Variants in RORB observed in about 807,000 individuals in gnomAD.
RORB encodes nuclear receptor ROR-beta.
A neutral mutation model predicts 59.1 loss-of-function variants in RORB; 6 were observed. That is an observed-to-expected ratio of 0.10 (90% CI 0.06 to 0.20). The LOEUF (loss-of-function observed/expected upper bound fraction) is 0.20. RORB is among the 10% of genes least tolerant of loss of function. The pLI is 1.00. For synonymous variants in RORB, 215 were observed against 204.5 expected (o/e 1.05, Z -0.44); for missense variants, 320 against 560.5 (o/e 0.57, Z 4.33).
At chr9:74,544,402 G>C (rs549095991) in intron 1 of RORB, among the ~76,000 whole-genome samples, 1 of 152,170 alleles carries the variant, frequency 6.6e-6, no homozygotes, top group Non-Finnish European at 1.5e-5. Context: ...CCAAAGGTAG[G>C]GGGAAGGGAT....
rs1822659576 is a variant in RORB at position 74,577,725 on chromosome 9, C to T, written c.8-52557C>T. 2.0e-5 allele frequency among the ~76,000 whole-genome samples: 3 copies of T among 152,022 alleles called. No individual in the cohort carries two copies. In the South Asian group the frequency reaches 6.2e-4, roughly 31 times the overall value. On this transcript the variant is annotated intron_variant, in intron 1 of 9. Coordinates refer to ENST00000376896, the MANE Select transcript of RORB (RefSeq NM_006914.4). ...TTTCCAGTTATTTAGCCTCACTGAT[C>T]CTCAGATTCCCACCCTATAAAATGG...
At chr9:74,517,066 C>A (rs1020719209) in intron 1 of RORB, among the ~76,000 whole-genome samples, 1 of 151,722 alleles carries the variant, frequency 6.6e-6, no homozygotes, top group African/African-American at 2.4e-5. Flanking sequence ...AAGATTCTTC[C>A]AAGAATCTAA....
At chr9:74,677,659 G>A (rs544710352) in intron 9 of RORB, among the ~76,000 whole-genome samples, 15 of 152,134 alleles carry the variant, frequency 9.9e-5, no homozygotes, top group Non-Finnish European at 1.9e-4. Flanking sequence ...TCTTGCTTCC[G>A]TCATTCTGTC....
At position 74,552,559 on chromosome 9, in the gene RORB, A is replaced by G. The variant is rs906756715; in HGVS notation, c.7+54576A>G. 1.8e-3 allele frequency among the ~76,000 whole-genome samples: 280 copies of G among 152,250 alleles called. 1 individual carries two copies. Among genetic ancestry groups the G allele is most frequent in the African/African-American group, 6.0e-3 (249 of 41,548 alleles). On this transcript the variant is annotated intron_variant, in intron 1 of 9. Coordinates refer to ENST00000376896, the MANE Select transcript of RORB (RefSeq NM_006914.4). ...ATGGCTAGCATGTAATATGCACAAC[A>G]TAAGTGTTTAGCTATCAATAGTTCA...
chr9:74,596,045 T>C (rs1407339132), intron 1 of RORB, among the ~76,000 whole-genome samples: 1 of 152,180 alleles, frequency 6.6e-6, no homozygotes, highest in East Asian at 1.9e-4. Flanking sequence ...CATGATGACC[T>C]GAACAAAAAA....
intron 1 of RORB, among the ~76,000 whole-genome samples, chr9:74,555,282 T>C (rs1822271537): frequency 6.6e-6 from 1 of 152,186 alleles, no homozygotes; most frequent in African/African-American, 2.4e-5. Context: ...AATCTTCTTT[T>C]TCATGTACCA....
At chr9:74,573,913 A>G (rs200091336) in intron 1 of RORB, among the ~76,000 whole-genome samples, 2 of 152,244 alleles carry the variant, frequency 1.3e-5, no homozygotes, top group East Asian at 3.9e-4. Flanking sequence ...CAGGGTATCA[A>G]AGCTGCAAGG....
intron 1 of RORB, among the ~76,000 whole-genome samples, chr9:74,521,750 C>T (rs1381636439): frequency 6.6e-6 from 1 of 151,580 alleles, no homozygotes; most frequent in Non-Finnish European, 1.5e-5. Flanking sequence ...TCGTTTTATC[C>T]CTATCACTGA....
At chr9:74,559,381 G>C (rs1822361225) in intron 1 of RORB, among the ~76,000 whole-genome samples, 1 of 152,132 alleles carries the variant, frequency 6.6e-6, no homozygotes, top group Non-Finnish European at 1.5e-5. Context: ...TGACCTAGCT[G>C]CTCCTGCCAG....
chr9:74,524,655 C>A (rs1022937404), intron 1 of RORB, among the ~76,000 whole-genome samples: 1 of 151,778 alleles, frequency 6.6e-6, no homozygotes, highest in African/African-American at 2.4e-5. Context: ...TTTTTTTTAA[C>A]CACTATTGAT....
chr9:74,636,524 G>T (rs531139124), intron 3 of RORB, among the ~76,000 whole-genome samples: 3 of 152,254 alleles, frequency 2.0e-5, no homozygotes, highest in African/African-American at 7.2e-5. Flanking sequence ...GTGTCGGGAG[G>T]ATGGGAGGGT....
chr9:74,635,385 C>T (rs575551085), intron 3 of RORB, among the ~76,000 whole-genome samples: 5 of 152,304 alleles, frequency 3.3e-5, no homozygotes, highest in African/African-American at 7.2e-5. Context: ...TCCACCTTGA[C>T]GCCCACCCAT....
intron 1 of RORB, among the ~76,000 whole-genome samples, chr9:74,613,688 A>C (rs927862308): frequency 5.9e-5 from 9 of 152,186 alleles, no homozygotes; most frequent in Non-Finnish European, 8.8e-5. Context: ...ACCATGCCAA[A>C]AATAATCTTG....
chr9:74,683,122 G>C (rs1304447450), intron 9 of RORB, among the ~76,000 whole-genome samples: 2 of 152,178 alleles, frequency 1.3e-5, no homozygotes, highest in Non-Finnish European at 2.9e-5. Context: ...TGACAAGATT[G>C]ACAATAATTA....
At chr9:74,576,316 G>T (rs989305298) in intron 1 of RORB, among the ~76,000 whole-genome samples, 1 of 152,100 alleles carries the variant, frequency 6.6e-6, no homozygotes, top group Non-Finnish European at 1.5e-5. Context: ...GTCTGTAACA[G>T]CTAATCACCA....
chr9:74,674,218 A>G (rs1824396427), intron 9 of RORB, among the ~76,000 whole-genome samples: 2 of 152,180 alleles, frequency 1.3e-5, no homozygotes, highest in African/African-American at 2.4e-5. Context: ...ATCTTTGCAG[A>G]AAGGCTCCTT....
At chr9:74,509,804 G>T (rs1025241582) in intron 1 of RORB, among the ~76,000 whole-genome samples, 1 of 151,958 alleles carries the variant, frequency 6.6e-6, no homozygotes, top group African/African-American at 2.4e-5. Context: ...TCTTAAGGAA[G>T]GAACCTTGAC....
Position 74,665,521 on chromosome 9 carries a change from G to A in RORB, c.926G>A (p.Arg309His), listed in dbSNP as rs1824250656. The change falls in exon 7 of 10, where the codon CGT becomes CAT. Residue 309 changes from arginine to histidine, a missense_variant. Arg to His is a conservative substitution (Grantham distance 29). Around this residue, in one of 4 missense-constraint regions of RORB, gnomAD observed 40 missense variants for 116.9 expected, o/e 0.34. Coordinates refer to ENST00000376896, the MANE Select transcript of RORB (RefSeq NM_006914.4). The part of the protein sequence containing the change: ...CLEVVLVRMC[R>H]AFNPLNNTVL... ...GAAGTGGTTTTAGTGAGAATGTGCC[G>A]TGCCTTCAACCCATTAAACAACACT... The A allele has an allele frequency of 1.2e-6, 2 of 1,609,306 alleles. No homozygotes were observed. Among genetic ancestry groups the A allele is most frequent in the Non-Finnish European group, 1.7e-6 (2 of 1,177,104 alleles).
At chr9:74,542,869 G>A (rs1005405625) in intron 1 of RORB, among the ~76,000 whole-genome samples, 1 of 152,162 alleles carries the variant, frequency 6.6e-6, no homozygotes, top group African/African-American at 2.4e-5. Context: ...TCAAGGTCTG[G>A]TCTTTGCATA....
Sources: allele counts gnomAD v4.1 joint callset (sites outside exome capture counted in the v4.1 genomes callset), GRCh38; gene constraint gnomAD v4.1.1; regional missense constraint gnomAD v4.1.1; transcripts MANE v1.5; gene names NCBI Gene and HGNC (gene_info 2026-07-23, HGNC 2026-07-21).